The following ZMAT4 variants were observed in gnomAD, a reference collection of about 807,000 sequenced individuals.
ZMAT4 encodes the protein zinc finger matrin-type protein 4.
Under a neutral mutation model 28.7 loss-of-function variants are expected in ZMAT4, and 17 were observed. That is an observed-to-expected ratio of 0.59 (90% CI 0.41 to 0.89). ZMAT4 has a LOEUF of 0.89. Ranked by LOEUF, ZMAT4 falls within the 40% of genes least tolerant of loss-of-function variation. The pLI is 0.00. For missense variants in ZMAT4, 240 were observed against 283.8 expected, an observed-to-expected ratio of 0.85 and a Z score of 1.11; for synonymous variants, 117 against 109.2, an observed-to-expected ratio of 1.07 and a Z score of -0.44.
At chr8:40,680,678 T>C (rs1398805283) in intron 4 of ZMAT4, among the ~76,000 whole-genome samples, 2 of 150,466 alleles carry the variant, frequency 1.3e-5, no homozygotes, top group Admixed American at 1.3e-4. Context: ...CTCCTCTCTC[T>C]CTCTGTCTCT....
chr8:40,545,812 A>T (rs908747989), intron 6 of ZMAT4, among the ~76,000 whole-genome samples: 2 of 150,188 alleles, frequency 1.3e-5, no homozygotes, highest in Non-Finnish European at 2.9e-5. Context: ...GTACTTTGTT[A>T]TGGCAGCCCT....
chr8:40,892,639 G>A (rs1818736010), intron 1 of ZMAT4, among the ~76,000 whole-genome samples: 1 of 152,210 alleles, frequency 6.6e-6, no homozygotes, highest in Admixed American at 6.5e-5. Flanking sequence ...TTGGGACATG[G>A]AGGACCTGGA....
chr8:40,761,076 G>A (rs1351188078), intron 3 of ZMAT4, among the ~76,000 whole-genome samples: 1 of 151,898 alleles, frequency 6.6e-6, no homozygotes, highest in South Asian at 2.1e-4. Context: ...GGGCAGGGGG[G>A]GATAATTTGC....
chr8:40,545,204 C>A (rs111412091), intron 6 of ZMAT4, among the ~76,000 whole-genome samples: 4,485 of 152,076 alleles, frequency 0.029, 107 homozygotes, highest in Non-Finnish European at 0.046. Flanking sequence ...CAGACTCCCC[C>A]CTAGTTGAGC....
intron 3 of ZMAT4, among the ~76,000 whole-genome samples, chr8:40,718,462 C>G (rs1056341828): frequency 2.6e-5 from 4 of 152,136 alleles, no homozygotes; most frequent in African/African-American, 9.7e-5. Context: ...ACAATACTTG[C>G]AGGATGACTG....
At position 40,578,533 on chromosome 8, in the gene ZMAT4, TA is replaced by T. The variant is rs199775186; in HGVS notation, c.674+2631del. 3.3e-3 allele frequency among the ~76,000 whole-genome samples: 494 copies of T among 151,584 alleles called. 5 individuals carry two copies. The highest frequency in any genetic ancestry group is 9.6e-3 in the African/African-American group (399 of 41,368). On this transcript the variant is annotated intron_variant, in intron 6 of 6. Coordinates refer to ENST00000297737, the MANE Select transcript of ZMAT4 (RefSeq NM_024645.3). ...AAAATTAGACACTTCTACAACTTAC[TA>T]AAAAAAAATTGATTTTTATAAACAG...
chr8:40,836,199 A>G (rs1382025412), intron 1 of ZMAT4, among the ~76,000 whole-genome samples: 2 of 152,226 alleles, frequency 1.3e-5, no homozygotes, highest in African/African-American at 4.8e-5. Context: ...ACCATGGGAA[A>G]TTAACCATAG....
chr8:40,533,899 G>T (rs1330228811), intron 6 of ZMAT4, among the ~76,000 whole-genome samples: 1 of 152,156 alleles, frequency 6.6e-6, no homozygotes, highest in Non-Finnish European at 1.5e-5. Flanking sequence ...TGACATAAGG[G>T]TTGAAAGTTC....
intron 3 of ZMAT4, among the ~76,000 whole-genome samples, chr8:40,697,748 T>C (rs1809964079): frequency 6.9e-6 from 1 of 144,324 alleles, no homozygotes; most frequent in Admixed American, 6.9e-5. Flanking sequence ...GCAATCTCTT[T>C]TTCTTCATGA....
intron 5 of ZMAT4, among the ~76,000 whole-genome samples, chr8:40,591,664 C>A (rs1265512206): frequency 6.6e-6 from 1 of 152,198 alleles, no homozygotes; most frequent in African/African-American, 2.4e-5. Context: ...TGCATGAGGT[C>A]TAATCCTTAT....
intron 3 of ZMAT4, among the ~76,000 whole-genome samples, chr8:40,739,722 G>A (rs1297409418): frequency 2.0e-5 from 3 of 152,138 alleles, no homozygotes; most frequent in Non-Finnish European, 4.4e-5. Flanking sequence ...GTGTTCTGCT[G>A]CACCCATCAA....
At chr8:40,604,275 A>T (rs925887968) in intron 5 of ZMAT4, among the ~76,000 whole-genome samples, 3 of 152,122 alleles carry the variant, frequency 2.0e-5, no homozygotes, top group Non-Finnish European at 2.9e-5. Context: ...AAGTGGTGAA[A>T]GTGGGCATCC....
At chr8:40,820,787 G>A (rs893175958) in intron 2 of ZMAT4, among the ~76,000 whole-genome samples, 36 of 218 alleles carry the variant, frequency 0.17, no homozygotes, top group Non-Finnish European at 0.24. Flanking sequence ...TTATGGGTGT[G>A]TCTGTGTGTG....
intron 5 of ZMAT4, among the ~76,000 whole-genome samples, chr8:40,604,203 C>T (rs958326688): frequency 1.3e-5 from 2 of 152,046 alleles, no homozygotes; most frequent in Admixed American, 6.6e-5. Context: ...AATTTGGTTG[C>T]CCTTTATTTC....
chr8:40,551,868 T>C (rs1484290148), intron 6 of ZMAT4, among the ~76,000 whole-genome samples: 1 of 152,180 alleles, frequency 6.6e-6, no homozygotes, highest in Non-Finnish European at 1.5e-5. Flanking sequence ...TCAGTTTTTC[T>C]CCTTGCAGTG....
intron 2 of ZMAT4, among the ~76,000 whole-genome samples, chr8:40,820,590 CTG>C (rs1448857981): frequency 1.1e-5 from 1 of 87,534 alleles, no homozygotes; most frequent in Non-Finnish European, 2.4e-5. Flanking sequence ...ATGTGTGTAT[CTG>C]TATGTGGGAG....
chr8:40,863,033 G>A lies in ZMAT4; in HGVS notation c.-5+34650C>T, dbSNP rs148450902. ...TGCAAAGGACTAATGGTTGGAAGCA[G>A]GTGATGCAGCCAGTGCAAAGAAAAA... On this transcript the variant is annotated intron_variant, in intron 1 of 6. Coordinates refer to ENST00000297737, the MANE Select transcript of ZMAT4 (RefSeq NM_024645.3). Among the ~76,000 whole-genome samples the A allele has an allele frequency of 4.6e-5, 7 of 152,266 alleles. 1 individual carries two copies. The highest frequency in any genetic ancestry group is 9.6e-5 in the African/African-American group (4 of 41,562).
At chr8:40,785,427 T>C (rs183029580) in intron 2 of ZMAT4, among the ~76,000 whole-genome samples, 4 of 152,230 alleles carry the variant, frequency 2.6e-5, no homozygotes, top group Non-Finnish European at 5.9e-5. Flanking sequence ...CAAGGTACAA[T>C]GTACTGTAGG....
intron 1 of ZMAT4, among the ~76,000 whole-genome samples, chr8:40,874,318 G>A (rs962171569): frequency 6.6e-6 from 1 of 152,230 alleles, no homozygotes; most frequent in South Asian, 2.1e-4. Flanking sequence ...CTTTTGCAGA[G>A]AAGAACCTCC....
Sources: allele counts gnomAD v4.1 joint callset (sites outside exome capture counted in the v4.1 genomes callset), GRCh38; gene constraint gnomAD v4.1.1; transcripts MANE v1.5; gene names NCBI Gene and HGNC (gene_info 2026-07-23, HGNC 2026-07-21).